LYPLAL1: variants seen among roughly 807,000 people sequenced by gnomAD.
LYPLAL1 encodes lysophospholipase like 1, also known as lysophospholipase-like protein 1.
LYPLAL1 carries 23 observed loss-of-function variants against 19.7 expected under a neutral mutation model. That is an observed-to-expected ratio of 1.17 (90% confidence interval 0.84 to 1.65). The LOEUF is 1.65. Ranked by LOEUF, LYPLAL1 falls within the 40% of genes most tolerant of loss-of-function variation. The pLI is 0.00. For synonymous variants in LYPLAL1, 119 were observed against 96.3 expected (o/e 1.24, Z -1.38); for missense variants, 355 against 279.4 (o/e 1.27, Z -1.93).
chr1:219,414,868 G>C, the LYPLAL1 span, among the ~76,000 whole-genome samples: 1 of 152,196 alleles, frequency 6.6e-6, no homozygotes, highest in Non-Finnish European at 1.5e-5. Flanking sequence ...GGTAGGCAAG[G>C]GTCCTACCGC....
At chr1:219,181,185 C>G (rs1656244575) in intron 2 of LYPLAL1, among the ~76,000 whole-genome samples, 1 of 152,096 alleles carries the variant, frequency 6.6e-6, no homozygotes, top group Non-Finnish European at 1.5e-5. Flanking sequence ...ATTTTTTACA[C>G]TAAATTTTTG....
chr1:219,181,412 A>G (rs150978905), intron 2 of LYPLAL1, among the ~76,000 whole-genome samples: 75 of 152,342 alleles, frequency 4.9e-4, no homozygotes, highest in Middle Eastern at 3.4e-3. Flanking sequence ...CCACTGTTCT[A>G]GATCAAGTCA....
intron 2 of LYPLAL1, among the ~76,000 whole-genome samples, chr1:219,180,189 T>C (rs933265524): frequency 2.0e-5 from 3 of 152,158 alleles, no homozygotes; most frequent in Non-Finnish European, 2.9e-5. Context: ...TTTGCCATGT[T>C]GGCTAGGCTG....
intron 2 of LYPLAL1, among the ~76,000 whole-genome samples, chr1:219,192,263 C>T (rs777575730): frequency 6.6e-6 from 1 of 151,678 alleles, no homozygotes; most frequent in Non-Finnish European, 1.5e-5. Context: ...TTCAATTTAG[C>T]TGCACATTTC....
At chr1:219,205,894 G>A (rs2125104785) in intron 3 of LYPLAL1, among the ~76,000 whole-genome samples, 1 of 152,300 alleles carries the variant, frequency 6.6e-6, no homozygotes, top group East Asian at 1.9e-4. Flanking sequence ...GTTTTCCATA[G>A]AGGAAAATAA....
chr1:219,343,535 A>G, the LYPLAL1 span, among the ~76,000 whole-genome samples: 26 of 152,308 alleles, frequency 1.7e-4, no homozygotes, highest in East Asian at 3.7e-3. Context: ...GTAATAGCTC[A>G]ATTATTTTTA....
chr1:219,353,622 A>C, the LYPLAL1 span, among the ~76,000 whole-genome samples: 1 of 152,260 alleles, frequency 6.6e-6, no homozygotes, highest in Non-Finnish European at 1.5e-5. Context: ...GCATGAAAGG[A>C]TAAAGCAGCT....
At chr1:219,221,028 G>A in the LYPLAL1 span, among the ~76,000 whole-genome samples, 1 of 152,184 alleles carries the variant, frequency 6.6e-6, no homozygotes, top group Non-Finnish European at 1.5e-5. Flanking sequence ...CATGCTGTGT[G>A]GCTGCCCTCA....
the LYPLAL1 span, among the ~76,000 whole-genome samples, chr1:219,424,346 T>G: frequency 6.6e-6 from 1 of 152,130 alleles, no homozygotes; most frequent in African/African-American, 2.4e-5. Flanking sequence ...TCAAATGGCT[T>G]AAAGTAATCT....
At chr1:219,295,207 A>G in the LYPLAL1 span, among the ~76,000 whole-genome samples, 2 of 152,154 alleles carry the variant, frequency 1.3e-5, no homozygotes, top group Admixed American at 1.3e-4. Context: ...AAACCTACAT[A>G]TGCTGCCTTC....
chr1:219,320,577 C>G, the LYPLAL1 span, among the ~76,000 whole-genome samples: 1 of 152,244 alleles, frequency 6.6e-6, no homozygotes, highest in African/African-American at 2.4e-5. Context: ...TCTCCTAATG[C>G]TATCCCTCCC....
At chr1:219,419,415 T>G in the LYPLAL1 span, among the ~76,000 whole-genome samples, 4 of 152,040 alleles carry the variant, frequency 2.6e-5, no homozygotes, top group Non-Finnish European at 5.9e-5. Flanking sequence ...CATCTCTCAA[T>G]GAAAATTCTG....
At chr1:219,343,141 T>C in the LYPLAL1 span, among the ~76,000 whole-genome samples, 4 of 152,226 alleles carry the variant, frequency 2.6e-5, no homozygotes, top group African/African-American at 9.6e-5. Context: ...GATCTTGTTT[T>C]TCTCCTCCCC....
chr1:219,271,023 G>C, the LYPLAL1 span: 1 of 152,334 alleles, frequency 6.6e-6, no homozygotes, highest in African/African-American at 2.4e-5. Context: ...TCGGCTCACC[G>C]CAACCTCCAC....
At chr1:219,383,670 C>A in the LYPLAL1 span, among the ~76,000 whole-genome samples, 1 of 152,140 alleles carries the variant, frequency 6.6e-6, no homozygotes, top group Non-Finnish European at 1.5e-5. Flanking sequence ...TTAATAAAAA[C>A]ACAAAGAACT....
At chr1:219,391,621 C>A in the LYPLAL1 span, among the ~76,000 whole-genome samples, 1 of 150,614 alleles carries the variant, frequency 6.6e-6, no homozygotes, top group East Asian at 2.0e-4. Flanking sequence ...TCACTGAAAT[C>A]TGATAATGAG....
At chr1:219,427,295 T>C in the LYPLAL1 span, among the ~76,000 whole-genome samples, 1 of 152,198 alleles carries the variant, frequency 6.6e-6, no homozygotes, top group African/African-American at 2.4e-5. Context: ...TTCAGTCATA[T>C]TTGAAACATG....
chr1:219,414,276 A>G, the LYPLAL1 span, among the ~76,000 whole-genome samples: 1 of 152,156 alleles, frequency 6.6e-6, no homozygotes, highest in South Asian at 2.1e-4. Flanking sequence ...ATATTACTTT[A>G]TGTAACTAAG....
intron 2 of LYPLAL1, among the ~76,000 whole-genome samples, chr1:219,190,011 T>G (rs1275346883): frequency 6.6e-6 from 1 of 151,548 alleles, no homozygotes; most frequent in Non-Finnish European, 1.5e-5. Flanking sequence ...TGATTAACGT[T>G]ATATACTAAC....
Sources: gnomAD v4.1 joint callset for allele counts (sites outside exome capture counted in the v4.1 genomes callset) on GRCh38, gnomAD v4.1.1 for gene constraint, MANE v1.5 for transcripts, NCBI Gene and HGNC (gene_info 2026-07-23, HGNC 2026-07-21) for gene names.